The following HBEGF variants were observed in gnomAD, a reference collection of about 807,000 sequenced individuals.
HBEGF encodes heparin binding EGF like growth factor, also known as proheparin-binding EGF-like growth factor.
A neutral mutation model predicts 19.5 loss-of-function variants in HBEGF; 8 were observed. That is an observed-to-expected ratio of 0.41 (90% confidence interval 0.24 to 0.74). The LOEUF is 0.74. Ranked by LOEUF, HBEGF falls within the 30% of genes least tolerant of loss-of-function variation. HBEGF has a pLI of 0.32. For missense variants in HBEGF, 207 were observed against 256.9 expected (o/e 0.81, Z 1.33); for synonymous variants, 97 against 108.9 (o/e 0.89, Z 0.68).
chr5:140,342,333 C>G (rs1215085915), intron 3 of HBEGF, among the ~76,000 whole-genome samples: 1 of 152,192 alleles, frequency 6.6e-6, no homozygotes, highest in Non-Finnish European at 1.5e-5. Context: ...GGGCATCAGG[C>G]AAGAATTAAG....
Position 140,334,726 on chromosome 5 carries a change from C to G in HBEGF, c.577G>C (p.Asp193His). 1 of 1,613,896 alleles carries G rather than the reference C, an allele frequency of 6.2e-7. No homozygotes were observed. Among genetic ancestry groups the G allele is most frequent in the Non-Finnish European group, 8.5e-7 (1 of 1,179,764 alleles). ...TTCACTTTCTCTTCATTTTCCACATCATAACCTCCTCTCCTATGGTACCTG... is the reference window on the plus strand; with the variant it reads ...TTCACTTTCTCTTCATTTTCCACATGATAACCTCCTCTCCTATGGTACCTG... ...MFRYHRRGGY[D>H]VENEEKVKLG... Residue 193 changes from aspartate to histidine, a missense_variant, in exon 5 of 6, where the codon GAT (aspartate) becomes CAT (histidine). Around this residue, in one of 3 missense-constraint regions of HBEGF, gnomAD observed 77 missense variants for 106.9 expected, o/e 0.72. Transcript: ENST00000230990.
At chr5:140,335,772 A>G in intron 4 of HBEGF, 100 bp downstream of exon 4, 3 of 1,268,538 alleles carry the variant, frequency 2.4e-6, no homozygotes, top group Admixed American at 4.2e-5. Flanking sequence ...TGATTTGGAA[A>G]GATTGAGGGA....
chr5:140,345,441 A>C (rs1766380233), intron 2 of HBEGF, among the ~76,000 whole-genome samples: 1 of 152,120 alleles, frequency 6.6e-6, no homozygotes, highest in Non-Finnish European at 1.5e-5. Flanking sequence ...CTGTTTCCCC[A>C]ATCTGGAGAC....
chr5:140,340,704 G>C (rs1172289904), intron 3 of HBEGF, among the ~76,000 whole-genome samples: 2 of 151,546 alleles, frequency 1.3e-5, no homozygotes, highest in Non-Finnish European at 2.9e-5. Context: ...ACTAGTAAAA[G>C]AATAAGAGAC....
chr5:140,343,666 C>T (rs1404251093), intron 2 of HBEGF, among the ~76,000 whole-genome samples: 1 of 152,220 alleles, frequency 6.6e-6, no homozygotes, highest in African/African-American at 2.4e-5. Flanking sequence ...AAAACAGCCT[C>T]ACCCAGATAT....
At position 140,346,532 on chromosome 5, in the gene HBEGF, G is replaced by T. The variant is rs1055830022; in HGVS notation, c.-204C>A. 2 of 618,592 alleles carry T rather than the reference G, an allele frequency of 3.2e-6. No individual in the cohort carries two copies. The highest frequency in any genetic ancestry group is 5.6e-6 in the Non-Finnish European group (2 of 358,070). 38.3% of individuals were successfully genotyped at this position (618,592 alleles called of 1,614,324 possible). ...TGTCTTGCTCACTCAGCCCGCCCGCGCGGCCGCCCGACCCCGCGCGCCTAG... is the reference window on the plus strand; with the variant it reads ...TGTCTTGCTCACTCAGCCCGCCCGCTCGGCCGCCCGACCCCGCGCGCCTAG... On this transcript the variant is annotated 5_prime_UTR_variant, in exon 1 of 6. Transcript: ENST00000230990. The surrounding 1 kb of genome is among the most constrained non-coding windows in gnomAD (Gnocchi z 6.1).
rs759439609 is a variant in HBEGF, at chr5:140,342,722, T to C, written c.311A>G (p.Lys104Arg). 4.3e-6 allele frequency: 7 copies of C among 1,614,226 alleles called. No individual in the cohort carries two copies. Among genetic ancestry groups the C allele is most frequent in the Non-Finnish European group, 4.2e-6 (5 of 1,180,030 alleles). Residue 104 changes from lysine to arginine, a missense_variant, in exon 3 of 6, where the codon AAG (lysine) becomes AGG (arginine). Lys to Arg is a conservative substitution (Grantham distance 26). This residue lies in a region of HBEGF where 127 missense variants were observed against 132.7 expected (regional missense o/e 0.96). Transcript: ENST00000230990. ...RKKKGKGLGK[K>R]RDPCLRKYKD... is the part of the protein sequence containing the mutation. ...GTATTTCCGAAGACATGGGTCCCTCTTCTTCCCTAGCCCCTTGCCTTTCTT... is the reference window on the plus strand; with the variant it reads ...GTATTTCCGAAGACATGGGTCCCTCCTCTTCCCTAGCCCCTTGCCTTTCTT...
In HBEGF at chr5:140,335,628, G is replaced by A. The variant is rs1489636300; in HGVS notation, c.554+244C>T. ...CATGAGTGGGTAGCTGGGTCATGGA[G>A]GCAGGAAAAGAACTCCTGTGAGGAG... On this transcript the variant is annotated intron_variant, in intron 4 of 5. Transcript: ENST00000230990. 3.9e-5 allele frequency among the ~76,000 whole-genome samples: 6 copies of A among 152,126 alleles called. No individual in the cohort carries two copies. In the East Asian group the frequency reaches 9.6e-4, roughly 24 times the overall value.
intron 4 of HBEGF, among the ~76,000 whole-genome samples, chr5:140,335,393 A>T (rs1188540070): frequency 6.6e-6 from 1 of 151,486 alleles, no homozygotes; most frequent in African/African-American, 2.4e-5. Context: ...CAAAAAAAAA[A>T]AAAAAAAAAG....
intron 3 of HBEGF, among the ~76,000 whole-genome samples, chr5:140,341,483 A>T (rs1410763155): frequency 6.6e-6 from 1 of 152,206 alleles, no homozygotes; most frequent in African/African-American, 2.4e-5. Context: ...CAAGCTCCTG[A>T]CAAGGATGTT....
At chr5:140,336,610 C>A (rs903918078) in intron 3 of HBEGF, among the ~76,000 whole-genome samples, 1 of 152,218 alleles carries the variant, frequency 6.6e-6, no homozygotes, top group Non-Finnish European at 1.5e-5. Context: ...TCCAGCTCCC[C>A]CTGGGTGCAG....
At chr5:140,341,259 G>A (rs1766307145) in intron 3 of HBEGF, among the ~76,000 whole-genome samples, 9 of 152,164 alleles carry the variant, frequency 5.9e-5, no homozygotes, top group Admixed American at 4.6e-4. Context: ...CACAGTGCAA[G>A]CCCCACATCC....
intron 3 of HBEGF, among the ~76,000 whole-genome samples, chr5:140,342,408 C>A (rs1406455818): frequency 6.6e-6 from 1 of 152,130 alleles, no homozygotes; most frequent in Non-Finnish European, 1.5e-5. Flanking sequence ...GGAAATGTCC[C>A]CAAGGATTAA....
intron 3 of HBEGF, among the ~76,000 whole-genome samples, chr5:140,340,582 C>CAAAAAAAAA (rs61489261): frequency 3.3e-4 from 20 of 59,816 alleles, no homozygotes; most frequent in African/African-American, 4.9e-4. Context: ...GACTCTGTCT[C>CAAAAAAAAA]AAAAAAAAAA....
At chr5:140,336,076 TC>T in intron 3 of HBEGF, 49 bp from the exon 4 acceptor site, 1 of 1,587,968 alleles carries the variant, frequency 6.3e-7, no homozygotes, top group Non-Finnish European at 8.6e-7. Flanking sequence ...CTTTGGCCTC[TC>T]TTGGCAATGG....
chr5:140,334,953 C>T (rs1032743424), intron 4 of HBEGF: 5 of 602,382 alleles, frequency 8.3e-6, no homozygotes, highest in African/African-American at 7.4e-5. Context: ...TTACAAATAG[C>T]TTTCACCTCA....
intron 2 of HBEGF, among the ~76,000 whole-genome samples, chr5:140,343,753 A>G (rs533685882): frequency 6.6e-6 from 1 of 152,344 alleles, no homozygotes; most frequent in Non-Finnish European, 1.5e-5. Context: ...AAAGGTGCCC[A>G]CATCCATGGC....
At chr5:140,335,449 A>G (rs1036456690) in intron 4 of HBEGF, among the ~76,000 whole-genome samples, 4 of 151,988 alleles carry the variant, frequency 2.6e-5, no homozygotes, top group African/African-American at 9.7e-5. Flanking sequence ...CTCCCAAGCT[A>G]GAGCATACCT....
chr5:140,340,723 C>G (rs1766298444), intron 3 of HBEGF, among the ~76,000 whole-genome samples: 1 of 151,972 alleles, frequency 6.6e-6, no homozygotes, highest in Non-Finnish European at 1.5e-5. Context: ...ACCTCTAGGA[C>G]AACAGCTGCC....
Sources: gnomAD v4.1 joint callset for allele counts (sites outside exome capture counted in the v4.1 genomes callset) on GRCh38, gnomAD v4.1.1 for gene constraint, gnomAD v4.1.1 regional missense constraint, Gnocchi (gnomAD v3.1) non-coding constraint, MANE v1.5 for transcripts, NCBI Gene and HGNC (gene_info 2026-07-23, HGNC 2026-07-21) for gene names.